The following CAST variants were observed in gnomAD, a reference collection of about 807,000 sequenced individuals.
The protein encoded by CAST is MIR583 host.
A neutral mutation model predicts 119.6 loss-of-function variants in CAST; 76 were observed. That is an observed-to-expected ratio of 0.64 (90% confidence interval 0.53 to 0.77). The LOEUF is 0.77. Ranked by LOEUF, CAST falls within the 30% of genes least tolerant of loss-of-function variation. The pLI is 0.00. For missense variants in CAST, 953 were observed against 946.5 expected (o/e 1.01, Z -0.09); for synonymous variants, 319 against 331.6 (o/e 0.96, Z 0.41).
At chr5:96,373,985 A>C in the CAST span, among the ~76,000 whole-genome samples, 2 of 152,082 alleles carry the variant, frequency 1.3e-5, no homozygotes, top group African/African-American at 4.8e-5. Flanking sequence ...GAAAGACGTG[A>C]TGTTTTGCCT....
At chr5:96,408,999 C>T in the CAST span, among the ~76,000 whole-genome samples, 1 of 152,150 alleles carries the variant, frequency 6.6e-6, no homozygotes, top group Non-Finnish European at 1.5e-5. Flanking sequence ...CATTTGGCTC[C>T]CCATCTGTAA....
the CAST span, among the ~76,000 whole-genome samples, chr5:96,034,746 A>G: frequency 6.6e-6 from 1 of 151,412 alleles, no homozygotes; most frequent in African/African-American, 2.4e-5. Flanking sequence ...TTTTGTATCC[A>G]TTAACCAGCA....
the CAST span, among the ~76,000 whole-genome samples, chr5:96,016,275 G>A: frequency 6.6e-6 from 1 of 152,214 alleles, no homozygotes; most frequent in Non-Finnish European, 1.5e-5. Context: ...TGAACCATGA[G>A]TGATACATTC....
intron 2 of CAST, among the ~76,000 whole-genome samples, chr5:96,685,828 C>T (rs189453917): frequency 1.4e-4 from 22 of 152,354 alleles, no homozygotes; most frequent in African/African-American, 4.1e-4. Flanking sequence ...TTGCCAATCA[C>T]TCCAGGTGAT....
At chr5:96,307,296 T>C in the CAST span, among the ~76,000 whole-genome samples, 26 of 152,208 alleles carry the variant, frequency 1.7e-4, no homozygotes, top group African/African-American at 5.3e-4. Flanking sequence ...TTGCCTTCCA[T>C]GTTCTCAGTC....
chr5:96,492,882 G>A, the CAST span, among the ~76,000 whole-genome samples: 5 of 152,192 alleles, frequency 3.3e-5, no homozygotes, highest in African/African-American at 4.8e-5. Flanking sequence ...TGCCCCAAGC[G>A]TTTCAGTGAA....
At chr5:96,019,165 T>C in the CAST span, among the ~76,000 whole-genome samples, 1 of 152,204 alleles carries the variant, frequency 6.6e-6, no homozygotes, top group African/African-American at 2.4e-5. Context: ...AAATTTGTCA[T>C]TAACACTTCC....
intron 1 of CAST, chr5:96,663,029 C>T: frequency 2.9e-6 from 2 of 694,198 alleles, no homozygotes; most frequent in Middle Eastern, 2.7e-4. Flanking sequence ...GAGCTCAGTG[C>T]CAGCCCGGTC....
the CAST span, among the ~76,000 whole-genome samples, chr5:96,387,446 G>C: frequency 2.4e-4 from 37 of 152,296 alleles, no homozygotes; most frequent in African/African-American, 8.9e-4. Flanking sequence ...TGAGACACCT[G>C]ATGGGATGGA....
chr5:96,659,381 T>C (rs182371579), upstream of CAST, among the ~76,000 whole-genome samples: 18 of 152,358 alleles, frequency 1.2e-4, no homozygotes, highest in Admixed American at 4.6e-4. Flanking sequence ...TGTATTTACT[T>C]GTCTGTCTCT....
the CAST span, among the ~76,000 whole-genome samples, chr5:96,187,068 T>A: frequency 1.3e-5 from 2 of 152,226 alleles, no homozygotes; most frequent in Non-Finnish European, 2.9e-5. Flanking sequence ...TCTTCCTGTT[T>A]CAGTCTTGGG....
chr5:96,053,952 G>A, the CAST span, among the ~76,000 whole-genome samples: 1 of 152,204 alleles, frequency 6.6e-6, no homozygotes, highest in South Asian at 2.1e-4. Flanking sequence ...TATTTTGGCA[G>A]CTCAAAGGGG....
chr5:96,388,229 G>A, the CAST span, among the ~76,000 whole-genome samples: 10 of 152,186 alleles, frequency 6.6e-5, no homozygotes, highest in South Asian at 1.7e-3. Flanking sequence ...CCTTTTACTG[G>A]TACATTAATG....
chr5:96,414,156 T>C, the CAST span, among the ~76,000 whole-genome samples: 2 of 142,516 alleles, frequency 1.4e-5, no homozygotes, highest in Admixed American at 6.9e-5. Flanking sequence ...AAAAAAAAAA[T>C]CCCAGTTCTG....
the CAST span, among the ~76,000 whole-genome samples, chr5:96,370,535 C>G: frequency 1.3e-5 from 2 of 152,146 alleles, no homozygotes; most frequent in East Asian, 3.8e-4. Context: ...TTTCACCCCC[C>G]ACAACTGCAT....
At chr5:96,203,435 C>A in the CAST span, among the ~76,000 whole-genome samples, 5 of 151,668 alleles carry the variant, frequency 3.3e-5, no homozygotes, top group Non-Finnish European at 7.4e-5. Context: ...ACAAAGGACA[C>A]AAATTATATT....
chr5:96,369,919 A>G, the CAST span, among the ~76,000 whole-genome samples: 821 of 152,168 alleles, frequency 5.4e-3, 9 homozygotes, highest in African/African-American at 0.018. Context: ...TGTATCCCCA[A>G]TGTCTGACAG....
chr5:96,433,609 G>A, the CAST span, among the ~76,000 whole-genome samples: 5 of 152,140 alleles, frequency 3.3e-5, no homozygotes, highest in African/African-American at 9.7e-5. Context: ...GGCGGGGAGG[G>A]GGGGAGGCTA....
chr5:96,627,781 C>A (rs1747751332), intron 1 of CAST, among the ~76,000 whole-genome samples: 2 of 152,196 alleles, frequency 1.3e-5, no homozygotes, highest in South Asian at 4.1e-4. Flanking sequence ...TCTTCACGTC[C>A]CTTGGAAACT....
Sources: gnomAD v4.1 joint callset for allele counts (sites outside exome capture counted in the v4.1 genomes callset) on GRCh38, gnomAD v4.1.1 for gene constraint, MANE v1.5 for transcripts, NCBI Gene and HGNC (gene_info 2026-07-23, HGNC 2026-07-21) for gene names.